Variants in CLSTN2 observed in about 807,000 individuals in gnomAD.
CLSTN2 encodes the protein calsyntenin-2.
In CLSTN2, 48 loss-of-function variants were observed where a neutral mutation model predicts 101.2. The ratio of observed to expected loss-of-function variants is 0.47; its 90% CI spans 0.38 to 0.60. The LOEUF (loss-of-function observed/expected upper bound fraction) is 0.60, where lower values mean the gene tolerates loss of function less well. CLSTN2 is among the 20% of genes least tolerant of loss of function. The pLI is 0.00. For synonymous variants in CLSTN2, 481 were observed against 463.6 expected (o/e 1.04, Z -0.48); for missense variants, 1,160 against 1,238.2 (o/e 0.94, Z 0.95).
At position 140,164,186 on chromosome 3, in the gene CLSTN2, TTTCTGCATGGCTCCTGATCTTC is replaced by T. The variant is rs560180902; in HGVS notation, c.110-11739_110-11718del. ...GCCCCTTTTTATTCGAAATGATCTT[TTTCTGCATGGCTCCTGATCTTC>T]TTCTGCATGGCTCCTGATCTTCTTC... On this transcript the variant is annotated intron_variant, in intron 1 of 16. Transcript: ENST00000458420. Among the ~76,000 whole-genome samples the T allele has an allele frequency of 5.8e-3, 886 of 152,218 alleles. 9 individuals are homozygous for T. The highest frequency in any genetic ancestry group is 0.021 in the African/African-American group (854 of 41,494).
intron 2 of CLSTN2, among the ~76,000 whole-genome samples, chr3:140,294,129 T>C (rs2086980964): frequency 6.6e-6 from 1 of 152,128 alleles, no homozygotes; most frequent in Admixed American, 6.5e-5. Context: ...TGGAGTATGG[T>C]TTCTATAAAA....
intron 1 of CLSTN2, among the ~76,000 whole-genome samples, chr3:140,001,890 C>T (rs780281265): frequency 3.7e-4 from 56 of 152,158 alleles, no homozygotes; most frequent in Non-Finnish European, 6.6e-4. Flanking sequence ...CTTTCTGTGC[C>T]TGGCTTATTT....
At chr3:140,458,689 C>A (rs1933477982) in intron 6 of CLSTN2, among the ~76,000 whole-genome samples, 1 of 152,144 alleles carries the variant, frequency 6.6e-6, no homozygotes, top group African/African-American at 2.4e-5. Flanking sequence ...ATAGTAGCAG[C>A]AGAAATAATA....
Position 140,176,055 on chromosome 3 carries a change from G to A in CLSTN2, c.214G>A (p.Ala72Thr). ...DPPLVALDKDAPVPFAGEICA... is the reference protein window; with the variant it reads ...DPPLVALDKDTPVPFAGEICA... ...ACCACTGGTAGCCCTGGATAAAGAT[G>A]CACCGGTTCCTTTTGCAGGTGAGAT... Residue 72 changes from alanine to threonine, a missense_variant, in exon 2 of 17, where the codon GCA (alanine) becomes ACA (threonine). By Grantham distance (58) the Ala-to-Thr change is moderately conservative (BLOSUM62 0). Coordinates refer to ENST00000458420, the MANE Select transcript of CLSTN2 (RefSeq NM_022131.3). The A allele has an allele frequency of 6.2e-7, 1 of 1,613,778 alleles. No homozygotes were observed. Among genetic ancestry groups the A allele is most frequent in the Non-Finnish European group, 8.5e-7 (1 of 1,179,826 alleles).
chr3:140,119,877 C>T (rs954136931), intron 1 of CLSTN2, among the ~76,000 whole-genome samples: 10 of 152,142 alleles, frequency 6.6e-5, no homozygotes, highest in African/African-American at 2.4e-4. Flanking sequence ...GAGTCTTCAG[C>T]TGCCACTTAG....
chr3:140,372,266 T>C (rs576690864), intron 2 of CLSTN2, among the ~76,000 whole-genome samples: 1 of 152,322 alleles, frequency 6.6e-6, no homozygotes, highest in East Asian at 1.9e-4. Context: ...GTCTCATCTA[T>C]AGATGCTTGT....
chr3:140,044,745 G>T (rs1157791111), intron 1 of CLSTN2, among the ~76,000 whole-genome samples: 1 of 152,204 alleles, frequency 6.6e-6, no homozygotes, highest in African/African-American at 2.4e-5. Flanking sequence ...ATGAATTGCT[G>T]TTGAATTTTG....
In CLSTN2 at chr3:140,175,957, A is replaced by G. The variant is rs771716763; in HGVS notation, c.116A>G (p.Lys39Arg). The G allele has an allele frequency of 4.3e-6, 7 of 1,610,826 alleles. No individual in the cohort carries two copies. The highest frequency in any genetic ancestry group is 5.9e-6 in the Non-Finnish European group (7 of 1,178,356). Residue 39 changes from lysine to arginine, a missense_variant, in exon 2 of 17, where the codon AAG (lysine) becomes AGG (arginine). Transcript: ENST00000458420. The part of the protein sequence containing the change: ...QRRLLAAKVN[K>R]HKPWIETSYH... ...TTTCCCCCTTATTTTCTAGTCAATA[A>G]GCACAAGCCATGGATCGAGACTTCA...
At chr3:140,057,761 G>A (rs770935041) in intron 1 of CLSTN2, among the ~76,000 whole-genome samples, 40 of 152,072 alleles carry the variant, frequency 2.6e-4, no homozygotes, top group Non-Finnish European at 4.7e-4. Flanking sequence ...TTATCACTGC[G>A]GCTATAAGCT....
At chr3:140,068,153 A>G (rs1390931662) in intron 1 of CLSTN2, among the ~76,000 whole-genome samples, 1 of 152,178 alleles carries the variant, frequency 6.6e-6, no homozygotes, top group Non-Finnish European at 1.5e-5. Context: ...AAGGAGGCAG[A>G]GTTTTCCCTG....
intron 2 of CLSTN2, among the ~76,000 whole-genome samples, chr3:140,182,754 AC>A (rs1323534549): frequency 1.3e-5 from 2 of 152,160 alleles, no homozygotes; most frequent in Non-Finnish European, 2.9e-5. Context: ...TCTATTGTGT[AC>A]TTCTCCATCA....
At chr3:140,562,020 C>A in intron 12 of CLSTN2, 118 bp from the exon 13 acceptor site, 1 of 821,656 alleles carries the variant, frequency 1.2e-6, no homozygotes, top group Non-Finnish European at 1.9e-6. Context: ...ATCACACAGA[C>A]TCTGCTCCTG....
intron 2 of CLSTN2, among the ~76,000 whole-genome samples, chr3:140,236,148 T>C (rs1230923116): frequency 6.6e-6 from 1 of 152,224 alleles, no homozygotes; most frequent in Admixed American, 6.5e-5. Flanking sequence ...TGGGAAACTC[T>C]ATGACTTTAT....
At position 140,497,826 on chromosome 3, in the gene CLSTN2, TC is replaced by T. The variant is rs576973115; in HGVS notation, c.1344+31096del. Among the ~76,000 whole-genome samples, 716 of 152,292 alleles carry T rather than the reference TC, an allele frequency of 4.7e-3. 4 individuals are homozygous for T. Among genetic ancestry groups the T allele is most frequent in the Non-Finnish European group, 7.1e-3 (485 of 68,012 alleles). ...GACCCAAGACCCTGATGGCATGGAC[TC>T]ATGAGGGAATCTCCTGATCTGCAGG... On this transcript the variant is annotated intron_variant, in intron 8 of 16. Transcript: ENST00000458420.
chr3:140,133,799 G>A lies in CLSTN2; in HGVS notation c.110-42152G>A, dbSNP rs149937785. On this transcript the variant is annotated intron_variant, in intron 1 of 16. Transcript: ENST00000458420. ...CAAAAATATTTTGTAAACCAACTTA[G>A]TCTCCCCATGCAGGTTAAGAAACCA... Among the ~76,000 whole-genome samples the A allele has an allele frequency of 2.9e-3, 441 of 152,268 alleles. 1 individual carries two copies. The highest frequency in any genetic ancestry group is 4.4e-3 in the Non-Finnish European group (298 of 68,012).
rs116615387 is a variant in CLSTN2 at position 140,320,255 on chromosome 3, G to A, written c.233-83374G>A. Among the ~76,000 whole-genome samples, 367 of 152,278 alleles carry A rather than the reference G, an allele frequency of 2.4e-3. 1 individual carries two copies. Among genetic ancestry groups the A allele is most frequent in the African/African-American group, 8.4e-3 (351 of 41,558 alleles). The stretch of plus-strand genomic sequence containing the variant: ...AGAACGTCACAGACTCTGGGCACTG[G>A]GGGGCCTTGTCAGAGTTCACTTCCA... On this transcript the variant is annotated intron_variant, in intron 2 of 16. Transcript: ENST00000458420.
At chr3:139,945,782 C>A (rs1024940809) in intron 1 of CLSTN2, among the ~76,000 whole-genome samples, 3 of 152,112 alleles carry the variant, frequency 2.0e-5, no homozygotes, top group Non-Finnish European at 2.9e-5. Context: ...GAAATATAAC[C>A]ATTACAGAGG....
chr3:140,137,685 T>C (rs2009635564), intron 1 of CLSTN2, among the ~76,000 whole-genome samples: 1 of 152,184 alleles, frequency 6.6e-6, no homozygotes, highest in Non-Finnish European at 1.5e-5. Flanking sequence ...ATGACTATGC[T>C]AATATTTACA....
intron 1 of CLSTN2, among the ~76,000 whole-genome samples, chr3:140,010,227 C>G (rs1282029082): frequency 6.6e-6 from 1 of 152,104 alleles, no homozygotes; most frequent in African/African-American, 2.4e-5. Context: ...TCATTTCTAT[C>G]TTTTGGGAGA....
Sources: allele counts gnomAD v4.1 joint callset (sites outside exome capture counted in the v4.1 genomes callset), GRCh38; gene constraint gnomAD v4.1.1; transcripts MANE v1.5; gene names NCBI Gene and HGNC (gene_info 2026-07-23, HGNC 2026-07-21).